The following IGFALS variants were observed in gnomAD, a reference collection of about 807,000 sequenced individuals.
The protein encoded by IGFALS is insulin like growth factor binding protein acid labile subunit.
IGFALS carries 2 observed loss-of-function variants against 2.6 expected under a neutral mutation model. The ratio of observed to expected loss-of-function variants is 0.77; its 90% CI spans 0.32 to 2.44. IGFALS has a LOEUF of 2.44. IGFALS is among the 30% of genes most tolerant of loss of function. The pLI, the probability that IGFALS is intolerant of heterozygous loss-of-function variation, is 0.11. For synonymous variants in IGFALS, 519 were observed against 431.9 expected (o/e 1.20, Z -2.50); for missense variants, 996 against 848.7 (o/e 1.17, Z -2.16).
chr16:1,791,491 G>T lies in IGFALS; in HGVS notation c.927C>A (p.Thr309=). The change falls in exon 2 of 2, where the codon ACC becomes ACA. Residue 309 remains threonine (T), a synonymous_variant. Coordinates refer to ENST00000215539, the MANE Select transcript of IGFALS (RefSeq NM_004970.3). The part of the protein sequence containing the change: ...HNAIASLRPR[T]FKDLHFLEEL... ...CCTCCAGGAAGTGCAGGTCCTTGAA[G>T]GTGCGGGGCCGCAGGCTGGCGATGG... is the stretch of plus-strand genomic sequence containing the variant. The T allele has an allele frequency of 6.2e-7, 1 of 1,611,254 alleles. No individual in the cohort carries two copies. Among genetic ancestry groups the T allele is most frequent in the East Asian group, 2.2e-5 (1 of 44,806 alleles).
chr16:1,793,791 T>C (rs994195910), upstream of IGFALS: 1 of 799,816 alleles, frequency 1.3e-6, no homozygotes, highest in Non-Finnish European at 2.0e-6. Flanking sequence ...TGGCCCTGGC[T>C]CTGTTAACCC....
chr16:1,792,606 G>T, intron 1 of IGFALS: 1 of 930,036 alleles, frequency 1.1e-6, no homozygotes, highest in Non-Finnish European at 1.5e-6. Context: ...AGGAGTGGCC[G>T]CCCCGCCCCG....
Position 1,790,815 on chromosome 16 carries a change from C to T in IGFALS, c.1603G>A (p.Gly535Ser), listed in dbSNP as rs576561125. 1.1e-5 allele frequency: 17 copies of T among 1,568,912 alleles called. No individual in the cohort carries two copies. Among genetic ancestry groups the T allele is most frequent in the East Asian group, 7.1e-5 (3 of 41,966 alleles). ...GGGCAGCCACAGTCCCAGGGGTTAC[C>T]CTCCAGCCACAGGCGCTCCAGGCCC... ...PPGLERLWLE[G>S]NPWDCGCPLK... Residue 535 changes from glycine (G) to serine (S), a missense_variant, in exon 2 of 2, where the codon GGT becomes AGT. By Grantham distance (56) the Gly-to-Ser change is moderately conservative (BLOSUM62 0). Coordinates refer to ENST00000215539, the MANE Select transcript of IGFALS (RefSeq NM_004970.3).
At position 1,792,392 on chromosome 16, in the gene IGFALS, G is replaced by T. The variant is rs1324488415; in HGVS notation, c.26C>A (p.Ala9Asp). 1 of 1,569,744 alleles carries T rather than the reference G, an allele frequency of 6.4e-7. No homozygotes were observed. MALRKGGLALALLLLSWVA... is the reference protein window; with the variant it reads MALRKGGLDLALLLLSWVA... ...CCAGGACAGCAGCAGCAGCGCCAGG[G>T]CCAGGCCTCCTGCGGGGGGAGAGGC... is the stretch of plus-strand genomic sequence containing the variant. The change falls in exon 2 of 2, where the codon GCC (alanine) becomes GAC (aspartate). Residue 9 changes from alanine to aspartate, a missense_variant. Physicochemically the swap from Ala to Asp is moderately radical, Grantham distance 126 (BLOSUM62 -2). Coordinates refer to ENST00000215539, the MANE Select transcript of IGFALS (RefSeq NM_004970.3).
rs750506367 is a variant in IGFALS at position 1,790,890 on chromosome 16, A to G, written c.1528T>C (p.Tyr510His). The G allele has an allele frequency of 1.3e-6, 2 of 1,573,332 alleles. No individual in the cohort carries two copies. Among genetic ancestry groups the G allele is most frequent in the Non-Finnish European group, 1.7e-6 (2 of 1,163,454 alleles). The part of the protein sequence containing the change: ...SLLAPLGRLR[Y>H]LSLRNNSLRT... Reference sequence around the variant, plus strand: ...AGTGAGTTGTTCCTGAGGCTGAGGTAGCGCAGCCGCCCCAGTGGTGCCAAG... The same window carrying G: ...AGTGAGTTGTTCCTGAGGCTGAGGTGGCGCAGCCGCCCCAGTGGTGCCAAG... The change falls in exon 2 of 2, where the codon TAC (tyrosine) becomes CAC (histidine). Residue 510 changes from tyrosine (Y) to histidine (H), a missense_variant. Tyr to His is a moderately conservative substitution (Grantham distance 83, BLOSUM62 2). Transcript: ENST00000215539.
At position 1,791,328 on chromosome 16, in the gene IGFALS, C is replaced by T. The variant is rs17855510; in HGVS notation, c.1090G>A (p.Val364Met). 27 of 1,608,396 alleles carry T rather than the reference C, an allele frequency of 1.7e-5. No homozygotes were observed. The highest frequency in any genetic ancestry group is 2.1e-5 in the Non-Finnish European group (25 of 1,179,938). Residue 364 changes from valine (V) to methionine (M), a missense_variant, in exon 2 of 2, where the codon GTG becomes ATG. Transcript: ENST00000215539. Reference sequence around the variant, plus strand: ...TTCCCAGAGAGGTTCATGACCGCCACGTTGGTGAGGCCGAGGAAAGCGCCC... The same window carrying T: ...TTCCCAGAGAGGTTCATGACCGCCATGTTGGTGAGGCCGAGGAAAGCGCCC... ...KAGAFLGLTN[V>M]AVMNLSGNCL...
rs771730351 is a variant in IGFALS, at chr16:1,791,320, G to A, written c.1098C>T (p.Val366=). ...GAFLGLTNVA[V]MNLSGNCLRN... is the part of the protein sequence containing the mutation. ...GGAGACAGTTCCCAGAGAGGTTCATGACCGCCACGTTGGTGAGGCCGAGGA... is the reference window on the plus strand; with the variant it reads ...GGAGACAGTTCCCAGAGAGGTTCATAACCGCCACGTTGGTGAGGCCGAGGA... Residue 366 remains valine, a synonymous_variant, in exon 2 of 2, where the codon GTC becomes GTT. Coordinates refer to ENST00000215539, the MANE Select transcript of IGFALS (RefSeq NM_004970.3). 1.5e-5 allele frequency: 24 copies of A among 1,608,494 alleles called. No individual in the cohort carries two copies. The highest frequency in any genetic ancestry group is 4.0e-5 in the African/African-American group (3 of 74,926).
chr16:1,791,360 ACCT>A lies in IGFALS; in HGVS notation c.1055_1057del (p.Glu352del). The A allele has an allele frequency of 1.9e-6, 3 of 1,608,698 alleles. No homozygotes were observed. The highest frequency in any genetic ancestry group is 2.5e-6 in the Non-Finnish European group (3 of 1,179,908). On this transcript the variant is annotated inframe_deletion, in exon 2 of 2. Coordinates refer to ENST00000215539, the MANE Select transcript of IGFALS (RefSeq NM_004970.3). ...GAGGCCGAGGAAAGCGCCCGCCTTG[ACCT>A]CCTGGAGCTGGTTGTGGTCTAGCGT...
upstream of IGFALS, chr16:1,793,762 C>A: frequency 8.6e-7 from 1 of 1,158,192 alleles, no homozygotes; most frequent in Non-Finnish European, 1.2e-6. Context: ...CGCCTGTCAC[C>A]TGGCTGGCCC....
At chr16:1,794,263 C>A (rs945576958), upstream of IGFALS, among the ~76,000 whole-genome samples, 1 of 152,188 alleles carries the variant, frequency 6.6e-6, no homozygotes, top group Non-Finnish European at 1.5e-5. Context: ...GCTCACCCTG[C>A]CTCTCCCGTG....
chr16:1,793,612 G>T (rs1204861803), intron 1 of IGFALS, 25 bp downstream of exon 1: 1 of 1,591,362 alleles, frequency 6.3e-7, no homozygotes, highest in Non-Finnish European at 8.6e-7. Flanking sequence ...CCTAGAGTGG[G>T]TGGCGGGGCA....
In IGFALS at chr16:1,791,031, G is replaced by A; in HGVS notation, c.1387C>T (p.Leu463=). ...GCCAGGCGGTTGCGGGAGAGCAGCA[G>A]GTACTCCAGCTTGCCCAGGCCCTGG... ...LFQGLGKLEY[L]LLSRNRLAEL... Residue 463 remains leucine, a synonymous_variant, in exon 2 of 2, where the codon CTG becomes TTG. Coordinates refer to ENST00000215539, the MANE Select transcript of IGFALS (RefSeq NM_004970.3). 1.3e-6 allele frequency: 2 copies of A among 1,598,490 alleles called. No homozygotes were observed. Among genetic ancestry groups the A allele is most frequent in the Non-Finnish European group, 1.7e-6 (2 of 1,179,798 alleles).
In IGFALS at chr16:1,792,353, G is replaced by A. The variant is rs199804680; in HGVS notation, c.65C>T (p.Pro22Leu). The A allele has an allele frequency of 6.0e-4, 959 of 1,590,514 alleles. 1 individual carries two copies. Among genetic ancestry groups the A allele is most frequent in the Middle Eastern group, 2.1e-3 (12 of 5,834 alleles). The change falls in exon 2 of 2, where the codon CCC (proline) becomes CTC (leucine). Residue 22 changes from proline to leucine, a missense_variant. Transcript: ENST00000215539. ...LLLLSWVALG[P>L]RSLEGADPGT... Reference sequence around the variant, plus strand: ...GGGGTCTGCTCCCTCCAGGCTGCGGGGGCCCAGTGCCACCCAGGACAGCAG... The same window carrying A: ...GGGGTCTGCTCCCTCCAGGCTGCGGAGGCCCAGTGCCACCCAGGACAGCAG...
Position 1,792,083 on chromosome 16 carries a change from C to A in IGFALS, c.335G>T (p.Ser112Ile). The part of the protein sequence containing the change: ...FLNLQGGQLG[S>I]LEPQALLGLE... The stretch of plus-strand genomic sequence containing the variant: ...GCCCAGCAGCGCCTGTGGCTCCAGG[C>A]TGCCCAGCTGGCCGCCCTGCAGGTT... The change falls in exon 2 of 2, where the codon AGC becomes ATC. Residue 112 changes from serine (S) to isoleucine (I), a missense_variant. Physicochemically the swap from Ser to Ile is moderately radical, Grantham distance 142. Transcript: ENST00000215539. The A allele has an allele frequency of 6.2e-7, 1 of 1,609,866 alleles. No individual in the cohort carries two copies. The highest frequency in any genetic ancestry group is 8.5e-7 in the Non-Finnish European group (1 of 1,179,124).
Position 1,791,233 on chromosome 16 carries a change from G to A in IGFALS, c.1185C>T (p.Gly395=). 6.2e-7 allele frequency: 1 copy of A among 1,608,622 alleles called. No homozygotes were observed. The highest frequency in any genetic ancestry group is 8.5e-7 in the Non-Finnish European group (1 of 1,179,910). Residue 395 remains glycine (G), a synonymous_variant, in exon 2 of 2, where the codon GGC becomes GGT. Coordinates refer to ENST00000215539, the MANE Select transcript of IGFALS (RefSeq NM_004970.3). ...GCGGGCGGATGCGTCCCAGGCAGCTGCCCTCCAGGTGCAGGCTGTGCAGCT... is the reference window on the plus strand; with the variant it reads ...GCGGGCGGATGCGTCCCAGGCAGCTACCCTCCAGGTGCAGGCTGTGCAGCT... ...LGKLHSLHLE[G]SCLGRIRPHT...
rs1457157257 is a variant in IGFALS, at chr16:1,792,357, C to G, written c.61G>C (p.Gly21Arg). ...TCTGCTCCCTCCAGGCTGCGGGGGC[C>G]CAGTGCCACCCAGGACAGCAGCAGC... Reference protein sequence around the residue: ...ALLLLSWVALGPRSLEGADPG... With the variant: ...ALLLLSWVALRPRSLEGADPG... The change falls in exon 2 of 2, where the codon GGC (glycine) becomes CGC (arginine). Residue 21 changes from glycine to arginine, a missense_variant. Transcript: ENST00000215539. 6.3e-7 allele frequency: 1 copy of G among 1,588,610 alleles called. No homozygotes were observed. Among genetic ancestry groups the G allele is most frequent in the East Asian group, 2.2e-5 (1 of 44,596 alleles).
In IGFALS at chr16:1,791,944, C is replaced by G. The variant is rs1034969207; in HGVS notation, c.474G>C (p.Leu158=). The G allele has an allele frequency of 6.3e-7, 1 of 1,592,054 alleles. No individual in the cohort carries two copies. The highest frequency in any genetic ancestry group is 8.5e-7 in the Non-Finnish European group (1 of 1,171,130). The change falls in exon 2 of 2, where the codon CTG becomes CTC. Residue 158 remains leucine (L), a synonymous_variant. Transcript: ENST00000215539. Reference sequence around the variant, plus strand: ...CGAAGAGCCCGTCCTCCAGCCTGCTCAGACGGTTGTTGCTGAGGCCGAGCG... The same window carrying G: ...CGAAGAGCCCGTCCTCCAGCCTGCTGAGACGGTTGTTGCTGAGGCCGAGCG... ...LASLGLSNNR[L]SRLEDGLFEG...
chr16:1,792,598 G>A lies in IGFALS; in HGVS notation c.17-197C>T, dbSNP rs549585735. ...GCGCTTCCCACCCCATGGGACAGAG[G>A]AGTGGCCGCCCCGCCCCGCTGCACA... On this transcript the variant is annotated intron_variant, in intron 1 of 1. Coordinates refer to ENST00000215539, the MANE Select transcript of IGFALS (RefSeq NM_004970.3). 2.3e-4 allele frequency: 240 copies of A among 1,058,220 alleles called. 4 individuals are homozygous for A. In the South Asian group the frequency reaches 4.3e-3, roughly 19 times the overall value. 65.6% of individuals were successfully genotyped at this position (1,058,220 alleles called of 1,614,324 possible).
chr16:1,792,627 G>A (rs1320292401), intron 1 of IGFALS: 1 of 754,920 alleles, frequency 1.3e-6, no homozygotes, highest in East Asian at 3.0e-5. Context: ...CTGCACAGAC[G>A]CTCAGGGCTT....
Sources: allele counts gnomAD v4.1 joint callset (sites outside exome capture counted in the v4.1 genomes callset), GRCh38; gene constraint gnomAD v4.1.1; transcripts MANE v1.5; gene names NCBI Gene and HGNC (gene_info 2026-07-23, HGNC 2026-07-21).